Variants in IST1 observed in about 807,000 individuals in gnomAD.
IST1 encodes IST1 homolog.
A neutral mutation model predicts 37.0 loss-of-function variants in IST1; 23 were observed. The ratio of observed to expected loss-of-function variants is 0.62; its 90% CI spans 0.45 to 0.88. The LOEUF is 0.88. Among genes scored for constraint, IST1 ranks in the 40% least tolerant of loss-of-function variants. IST1 has a pLI of 0.00. For missense variants in IST1, 488 were observed against 445.4 expected (o/e 1.10, Z -0.86); for synonymous variants, 180 against 161.7 (o/e 1.11, Z -0.86).
intron 2 of IST1, 31 bp from the exon 3 acceptor site, chr16:71,916,431 C>T (rs1050771915): frequency 6.2e-7 from 1 of 1,607,014 alleles, no homozygotes; most frequent in Non-Finnish European, 8.5e-7. Context: ...TGCTCTACTG[C>T]TGTGAGATCG....
intron 1 of IST1, among the ~76,000 whole-genome samples, chr16:71,909,008 A>G (rs2037291252): frequency 1.3e-5 from 2 of 151,818 alleles, no homozygotes; most frequent in African/African-American, 4.8e-5. Flanking sequence ...TTCTATTTTT[A>G]AGGACCATCC....
chr16:71,924,875 T>G (rs1192819451), intron 9 of IST1, 58 bp downstream of exon 9: 1 of 1,174,378 alleles, frequency 8.5e-7, no homozygotes, highest in East Asian at 2.3e-5. Context: ...TGCTGTTTTC[T>G]CATTATTGTT....
chr16:71,902,264 T>G (rs2037124677), intron 1 of IST1, among the ~76,000 whole-genome samples: 1 of 152,146 alleles, frequency 6.6e-6, no homozygotes, highest in South Asian at 2.1e-4. Flanking sequence ...GGTTCTTAAT[T>G]TTAGATTTAA....
chr16:71,922,490 G>C lies in IST1; in HGVS notation c.569G>C (p.Gly190Ala). The change falls in exon 7 of 10, where the codon GGG becomes GCG. Residue 190 changes from glycine (G) to alanine (A), a missense_variant. Gly to Ala is a moderately conservative substitution (Grantham distance 60). This residue lies in a region of IST1 where 455 missense variants were observed against 386.2 expected (regional missense o/e 1.18). Coordinates refer to ENST00000378799, the MANE Select transcript of IST1 (RefSeq NM_001270975.2). Reference protein sequence around the residue: ...DSVVMAEAPPGVETDLIDVGF... With the variant: ...DSVVMAEAPPAVETDLIDVGF... ...TTTTCTCAGGCAGAAGCTCCTCCTGGGGTAGAGACAGATCTTATTGATGTT... is the reference window on the plus strand; with the variant it reads ...TTTTCTCAGGCAGAAGCTCCTCCTGCGGTAGAGACAGATCTTATTGATGTT... The C allele has an allele frequency of 6.2e-7, 1 of 1,614,106 alleles. No homozygotes were observed. Among genetic ancestry groups the C allele is most frequent in the Non-Finnish European group, 8.5e-7 (1 of 1,179,980 alleles).
chr16:71,906,572 T>A (rs2037229378), intron 1 of IST1, among the ~76,000 whole-genome samples: 1 of 151,996 alleles, frequency 6.6e-6, no homozygotes, highest in South Asian at 2.1e-4. Flanking sequence ...TGACTTGGCC[T>A]CCCAAAGTGC....
At chr16:71,924,883 G>A in intron 9 of IST1, 66 bp downstream of exon 9, 4 of 1,122,616 alleles carry the variant, frequency 3.6e-6, no homozygotes, top group Middle Eastern at 2.0e-4. Flanking sequence ...TCTCATTATT[G>A]TTCCTCCCTT....
intron 1 of IST1, among the ~76,000 whole-genome samples, chr16:71,904,258 G>A (rs961660700): frequency 6.6e-6 from 1 of 152,158 alleles, no homozygotes; most frequent in African/African-American, 2.4e-5. Flanking sequence ...CAAGTAGCTG[G>A]GATTACAGGC....
At chr16:71,902,170 C>T (rs1248217391) in intron 1 of IST1, among the ~76,000 whole-genome samples, 1 of 152,166 alleles carries the variant, frequency 6.6e-6, no homozygotes, top group African/African-American at 2.4e-5. Flanking sequence ...TGTGAAGGTT[C>T]ATGTAATATT....
chr16:71,931,183 G>C lies in IST1; in HGVS notation c.*3370G>C, dbSNP rs749670217. On this transcript the variant is annotated 3_prime_UTR_variant, in exon 10 of 10. Transcript: ENST00000378799. Reference sequence around the variant, plus strand: ...AAAAGTTCCTTTTTTATCCCCAAAAGGAGGTGTCAGCAAAAATTTGTTACT... The same window carrying C: ...AAAAGTTCCTTTTTTATCCCCAAAACGAGGTGTCAGCAAAAATTTGTTACT... 1 of 152,038 alleles carries C rather than the reference G, an allele frequency of 6.6e-6. No homozygotes were observed. The highest frequency in any genetic ancestry group is 1.9e-4 in the East Asian group (1 of 5,194). 9.4% of individuals were successfully genotyped at this position (152,038 alleles called of 1,614,324 possible). A position where few individuals can be genotyped will look rare whatever the true frequency, so the allele number is the denominator to read the frequency against.
chr16:71,916,131 C>G (rs531254241), intron 2 of IST1, among the ~76,000 whole-genome samples: 1 of 152,300 alleles, frequency 6.6e-6, no homozygotes, highest in South Asian at 2.1e-4. Context: ...CATGCCCGCC[C>G]TGGGATCATA....
chr16:71,913,895 G>A (rs1306110048), intron 1 of IST1, among the ~76,000 whole-genome samples: 12 of 152,004 alleles, frequency 7.9e-5, no homozygotes, highest in Admixed American at 5.2e-4. Context: ...TGCAAACTCC[G>A]CCTCCTGGGT....
chr16:71,895,503 T>G, upstream of IST1: 1 of 985,618 alleles, frequency 1.0e-6, no homozygotes, highest in South Asian at 4.7e-5. Context: ...CCGCCCGCGC[T>G]TGTTGTGCTG....
intron 7 of IST1, 56 bp from the exon 8 acceptor site, chr16:71,923,232 C>A: frequency 1.0e-6 from 1 of 979,368 alleles, no homozygotes; most frequent in Non-Finnish European, 1.6e-6. Flanking sequence ...ATACCCAAAC[C>A]TTCGAGATTG....
chr16:71,922,392 T>C, intron 6 of IST1, 82 bp from the exon 7 acceptor site: 1 of 1,163,648 alleles, frequency 8.6e-7, no homozygotes, highest in East Asian at 2.3e-5. Flanking sequence ...TGCTTTATGC[T>C]AATCTCCATC....
At chr16:71,921,101 A>T in intron 5 of IST1, 6 of 599,198 alleles carry the variant, frequency 1.0e-5, no homozygotes, top group Non-Finnish European at 1.5e-5. Flanking sequence ...GGATGAATTG[A>T]ACTGTGGAAG....
intron 2 of IST1, among the ~76,000 whole-genome samples, chr16:71,916,048 C>CT (rs1026220835): frequency 1.3e-5 from 2 of 152,128 alleles, no homozygotes; most frequent in African/African-American, 4.8e-5. Flanking sequence ...CCAGGCTGGT[C>CT]TTGCACTCAT....
chr16:71,906,348 C>G (rs61303106), intron 1 of IST1, among the ~76,000 whole-genome samples: 1 of 151,754 alleles, frequency 6.6e-6, no homozygotes, highest in African/African-American at 2.4e-5. Context: ...GCGCTTGTTG[C>G]CCAGGCTGGA....
intron 4 of IST1, among the ~76,000 whole-genome samples, chr16:71,918,658 C>T (rs373917564): frequency 1.6e-4 from 25 of 152,228 alleles, no homozygotes; most frequent in African/African-American, 4.1e-4. Flanking sequence ...CCTCGTGATC[C>T]GCCTGCCTCG....
intron 1 of IST1, among the ~76,000 whole-genome samples, chr16:71,897,928 G>A (rs1030755683): frequency 1.1e-4 from 16 of 152,096 alleles, no homozygotes; most frequent in African/African-American, 3.1e-4. Context: ...CAGCCTGGGC[G>A]ACAGAGTGAG....
Sources: gnomAD v4.1 joint callset for allele counts (sites outside exome capture counted in the v4.1 genomes callset) on GRCh38, gnomAD v4.1.1 for gene constraint, gnomAD v4.1.1 regional missense constraint, MANE v1.5 for transcripts, NCBI Gene and HGNC (gene_info 2026-07-23, HGNC 2026-07-21) for gene names.